The following POU2F3 variants were observed in gnomAD, a reference collection of about 807,000 sequenced individuals.
The protein encoded by POU2F3 is POU domain, class 2, transcription factor 3.
A neutral mutation model predicts 59.2 loss-of-function variants in POU2F3; 23 were observed. The observed-to-expected ratio is 0.39, with a 90% CI of 0.28 to 0.55. The LOEUF (loss-of-function observed/expected upper bound fraction) is 0.55. Among genes scored for constraint, POU2F3 ranks in the 20% least tolerant of loss-of-function variants. The pLI, the probability that POU2F3 is intolerant of heterozygous loss-of-function variation, is 0.66. For missense variants in POU2F3, 473 were observed against 544.5 expected (o/e 0.87, Z 1.31); for synonymous variants, 190 against 214.6 (o/e 0.89, Z 1.00).
chr11:120,236,932 G>C (rs1037167923), upstream of POU2F3, among the ~76,000 whole-genome samples: 1 of 152,166 alleles, frequency 6.6e-6, no homozygotes, highest in East Asian at 1.9e-4. Flanking sequence ...GTTTTCTGGG[G>C]TAAGTCCCCC....
At chr11:120,308,905 C>T (rs1941572517) in intron 9 of POU2F3, among the ~76,000 whole-genome samples, 2 of 127,194 alleles carry the variant, frequency 1.6e-5, no homozygotes, top group African/African-American at 6.0e-5. Flanking sequence ...CGCCACTGCA[C>T]TCCAGCCTAG....
intron 6 of POU2F3, 61 bp from the exon 7 acceptor site, chr11:120,304,969 A>AAT: frequency 5.8e-5 from 68 of 1,178,830 alleles, no homozygotes; most frequent in Non-Finnish European, 7.8e-5. Context: ...AAAAAAAAAA[A>AAT]AATCAGAAAA....
Position 120,285,142 on chromosome 11 carries a change from A to G in POU2F3, c.133-13123A>G, listed in dbSNP as rs1243531872. Among the ~76,000 whole-genome samples the G allele has an allele frequency of 1.3e-5, 2 of 152,174 alleles. No individual in the cohort carries two copies. Among genetic ancestry groups the G allele is most frequent in the African/African-American group, 4.8e-5 (2 of 41,436 alleles). ...TATTCTTATTTGGCAAAATAAAACA[A>G]CTGTATCTGACTCTAAAAAAAGAAA... On this transcript the variant is annotated intron_variant, in intron 3 of 12. Transcript: ENST00000543440. The surrounding 1 kb of genome is among the most constrained non-coding windows in gnomAD (Gnocchi z 4.3).
At chr11:120,262,882 C>T (rs1392988025) in intron 2 of POU2F3, among the ~76,000 whole-genome samples, 3 of 151,920 alleles carry the variant, frequency 2.0e-5, no homozygotes, top group African/African-American at 7.2e-5. Context: ...TTTTGGTTGG[C>T]TTTTTTATAT....
intron 5 of POU2F3, chr11:120,301,839 G>A (rs1415227774): frequency 6.4e-6 from 1 of 156,872 alleles, no homozygotes. Context: ...CATCCTCGCA[G>A]ATTTGATTGG....
rs181112888 is a variant in POU2F3, at chr11:120,277,578, C to T, written c.132+8334C>T. 2.8e-3 allele frequency among the ~76,000 whole-genome samples: 426 copies of T among 152,190 alleles called. 1 individual carries two copies. Among genetic ancestry groups the T allele is most frequent in the African/African-American group, 9.8e-3 (407 of 41,524 alleles). On this transcript the variant is annotated intron_variant, in intron 3 of 12. Coordinates refer to ENST00000543440, the MANE Select transcript of POU2F3 (RefSeq NM_014352.4). ...GTCACCTGAGGTCAGGAGTTCCAGA[C>T]CAGCCTGGCCAACGTGGTAAAACCC...
chr11:120,314,480 G>C (rs1449500717), intron 10 of POU2F3, among the ~76,000 whole-genome samples: 1 of 152,186 alleles, frequency 6.6e-6, no homozygotes, highest in Non-Finnish European at 1.5e-5. Flanking sequence ...GACACTCTTT[G>C]CCAGCTGTTG....
At chr11:120,244,938 G>A (rs1370499221) in intron 1 of POU2F3, among the ~76,000 whole-genome samples, 3 of 150,962 alleles carry the variant, frequency 2.0e-5, no homozygotes, top group Admixed American at 6.6e-5. Flanking sequence ...CTCCCTAAAC[G>A]CTGTGCACTA....
intron 3 of POU2F3, 90 bp from the exon 4 acceptor site, chr11:120,298,175 T>A (rs955752863): frequency 5.5e-5 from 81 of 1,467,148 alleles, no homozygotes; most frequent in Non-Finnish European, 6.3e-5. Context: ...GGCTGGTCAC[T>A]CCTTTCCTGC....
chr11:120,275,118 A>G (rs577750467), intron 3 of POU2F3, among the ~76,000 whole-genome samples: 1 of 152,152 alleles, frequency 6.6e-6, no homozygotes. Flanking sequence ...TGGACTGTAG[A>G]ATTCCCTTTC....
At chr11:120,255,416 T>C (rs752252397) in intron 2 of POU2F3, among the ~76,000 whole-genome samples, 7 of 151,966 alleles carry the variant, frequency 4.6e-5, no homozygotes, top group Non-Finnish European at 1.0e-4. Flanking sequence ...GCTATGACGA[T>C]GGGGTCTCGG....
chr11:120,236,755 A>T, upstream of POU2F3: 1 of 1,413,716 alleles, frequency 7.1e-7, no homozygotes, highest in Non-Finnish European at 9.7e-7. Context: ...AACTGAAATG[A>T]TCAGTGAGCA....
intron 3 of POU2F3, among the ~76,000 whole-genome samples, chr11:120,288,088 GA>G (rs1356235345): frequency 2.6e-5 from 1 of 38,366 alleles, no homozygotes; most frequent in Admixed American, 3.4e-4. Context: ...GCTCAGAGCT[GA>G]AAAAAAAGAA....
chr11:120,284,185 T>G (rs1239184486), intron 3 of POU2F3, among the ~76,000 whole-genome samples: 1 of 151,986 alleles, frequency 6.6e-6, no homozygotes, highest in Non-Finnish European at 1.5e-5. Context: ...ATCTCAAAAA[T>G]AAATACATAA....
intron 2 of POU2F3, among the ~76,000 whole-genome samples, chr11:120,252,098 C>T (rs1176282778): frequency 2.0e-5 from 3 of 150,940 alleles, no homozygotes; most frequent in Admixed American, 1.3e-4. Flanking sequence ...CTGGCCTTGG[C>T]TGCCTATTCC....
At chr11:120,299,596 T>C (rs1565382995) in intron 4 of POU2F3, 28 bp from the exon 5 acceptor site, 1 of 1,595,912 alleles carries the variant, frequency 6.3e-7, no homozygotes, top group African/African-American at 1.3e-5. Context: ...GTAAATTCTG[T>C]GGTGTATGTG....
intron 4 of POU2F3, among the ~76,000 whole-genome samples, chr11:120,299,013 G>A (rs558126784): frequency 2.6e-5 from 4 of 152,222 alleles, no homozygotes; most frequent in South Asian, 2.1e-4. Context: ...GAGCTCTGGC[G>A]TCTCCATTGC....
At chr11:120,259,101 C>T (rs1939487173) in intron 2 of POU2F3, 1 of 152,328 alleles carries the variant, frequency 6.6e-6, no homozygotes, top group Non-Finnish European at 1.5e-5. Context: ...GCCCTAGCCT[C>T]CTGGTATCTG....
chr11:120,309,365 TCTGTTCCCTGCCC>T, intron 9 of POU2F3, 47 bp from the exon 10 acceptor site: 4 of 1,504,616 alleles, frequency 2.7e-6, no homozygotes, highest in Non-Finnish European at 3.7e-6. Flanking sequence ...CTTTGGGACC[TCTGTTCCCTGCCC>T]CTGATTCCCT....
Sources: allele counts gnomAD v4.1 joint callset (sites outside exome capture counted in the v4.1 genomes callset), GRCh38; gene constraint gnomAD v4.1.1; non-coding constraint Gnocchi (gnomAD v3.1); transcripts MANE v1.5; gene names NCBI Gene and HGNC (gene_info 2026-07-23, HGNC 2026-07-21).